Variants in RNF150 observed in about 807,000 individuals in gnomAD.
The protein encoded by RNF150 is ring finger protein 150.
RNF150 carries 24 observed loss-of-function variants against 39.3 expected under a neutral mutation model. The observed-to-expected ratio is 0.61, with a 90% CI of 0.44 to 0.86. The LOEUF is 0.86. RNF150 is among the 40% of genes least tolerant of loss of function. The probability of loss-of-function intolerance (pLI) is 0.00; values close to 1 mark genes in which losing one functional copy is unlikely to be tolerated. For synonymous variants in RNF150, 255 were observed against 227.3 expected (o/e 1.12, Z -1.10); for missense variants, 502 against 587.8 (o/e 0.85, Z 1.51).
chr4:141,011,196 T>C (rs1735063760), intron 1 of RNF150, among the ~76,000 whole-genome samples: 1 of 152,120 alleles, frequency 6.6e-6, no homozygotes, highest in Non-Finnish European at 1.5e-5. Context: ...TTACCCGCCA[T>C]AATTCTGAAA....
intron 1 of RNF150, among the ~76,000 whole-genome samples, chr4:141,158,852 T>A (rs1448503381): frequency 6.6e-6 from 1 of 151,106 alleles, no homozygotes; most frequent in Non-Finnish European, 1.5e-5. Context: ...ACCTGAACCA[T>A]CCTTCCAATT....
rs140351623 is a variant in RNF150, at chr4:140,902,663, G to A, written c.1198+8481C>T. ...ATAACATGCTATCATAGCTATTATTGTTAAAATTTACACTGAAGTCTGTAT... is the reference window on the plus strand; with the variant it reads ...ATAACATGCTATCATAGCTATTATTATTAAAATTTACACTGAAGTCTGTAT... On this transcript the variant is annotated intron_variant, in intron 6 of 6. Coordinates refer to ENST00000515673, the MANE Select transcript of RNF150 (RefSeq NM_020724.2). 7.2e-3 allele frequency among the ~76,000 whole-genome samples: 1,094 copies of A among 151,754 alleles called. 13 individuals carry two copies. Among genetic ancestry groups the A allele is most frequent in the Non-Finnish European group, 0.01 (703 of 67,936 alleles).
At chr4:141,096,190 CT>C (rs780868429) in intron 1 of RNF150, among the ~76,000 whole-genome samples, 1,020 of 67,926 alleles carry the variant, frequency 0.015, 9 homozygotes, top group African/African-American at 0.056. Flanking sequence ...TTTTAGCTTT[CT>C]TTTTTTTTTT....
intron 6 of RNF150, among the ~76,000 whole-genome samples, chr4:140,899,002 C>G (rs533419780): frequency 6.6e-6 from 1 of 152,238 alleles, no homozygotes; most frequent in South Asian, 2.1e-4. Flanking sequence ...CTCCCTGCTG[C>G]GAACATTAGA....
intron 1 of RNF150, among the ~76,000 whole-genome samples, chr4:141,160,800 A>C (rs567462667): frequency 1.3e-5 from 2 of 152,330 alleles, no homozygotes; most frequent in South Asian, 4.1e-4. Flanking sequence ...CGTGATTGAA[A>C]GTTTCTTGAA....
At chr4:140,899,974 C>CTCTCTCTGTGTGTGTGTGTGTGTGTGTG (rs1365683071) in intron 6 of RNF150, among the ~76,000 whole-genome samples, 7 of 69,214 alleles carry the variant, frequency 1.0e-4, no homozygotes, top group African/African-American at 3.0e-4. Flanking sequence ...CTCTCTCTCT[C>CTCTCTCTGTGTGTGTGTGTGTGTGTGTG]TGTGTGTGTG....
At chr4:141,093,712 T>G (rs1738679228) in intron 1 of RNF150, among the ~76,000 whole-genome samples, 1 of 152,124 alleles carries the variant, frequency 6.6e-6, no homozygotes, top group Non-Finnish European at 1.5e-5. Context: ...ACATCTGCCT[T>G]GAGAAATTCT....
chr4:140,999,768 C>G (rs1305442854), intron 1 of RNF150, among the ~76,000 whole-genome samples: 1 of 151,680 alleles, frequency 6.6e-6, no homozygotes, highest in East Asian at 1.9e-4. Context: ...AACCCCATCT[C>G]TACTAAAAAT....
intron 1 of RNF150, among the ~76,000 whole-genome samples, chr4:141,126,836 A>C (rs1726767086): frequency 6.6e-6 from 1 of 152,196 alleles, no homozygotes; most frequent in African/African-American, 2.4e-5. Flanking sequence ...ATAAATAAGA[A>C]AACTGAGGGT....
chr4:140,881,411 G>T (rs966119839), intron 6 of RNF150, among the ~76,000 whole-genome samples: 3 of 152,154 alleles, frequency 2.0e-5, no homozygotes, highest in African/African-American at 7.2e-5. Context: ...GGATCCATCT[G>T]CCTCAGCCTC....
intron 1 of RNF150, among the ~76,000 whole-genome samples, chr4:140,971,683 G>T (rs1341523027): frequency 3.9e-5 from 6 of 152,124 alleles, no homozygotes; most frequent in African/African-American, 1.4e-4. Flanking sequence ...CTTTTCCCTT[G>T]AGAGTGCTCC....
intron 1 of RNF150, among the ~76,000 whole-genome samples, chr4:141,170,719 G>GGAAATGACCACA (rs1160626276): frequency 6.6e-6 from 1 of 152,054 alleles, no homozygotes. Flanking sequence ...ATCTCATTTT[G>GGAAATGACCACA]GAAATGACCA....
chr4:141,055,210 G>GA (rs896554637), intron 1 of RNF150, among the ~76,000 whole-genome samples: 1 of 151,990 alleles, frequency 6.6e-6, no homozygotes, highest in South Asian at 2.1e-4. Flanking sequence ...GAAACCTTTA[G>GA]AAAAAAACAT....
intron 1 of RNF150, among the ~76,000 whole-genome samples, chr4:141,109,097 T>G (rs1211026733): frequency 6.6e-6 from 1 of 152,216 alleles, no homozygotes; most frequent in African/African-American, 2.4e-5. Context: ...TAGCGGTCAC[T>G]TCAATTTCAT....
intron 1 of RNF150, among the ~76,000 whole-genome samples, chr4:141,186,759 T>C (rs1728020241): frequency 6.6e-6 from 1 of 152,168 alleles, no homozygotes; most frequent in South Asian, 2.1e-4. Flanking sequence ...CTTTTTAGTC[T>C]GGCTAGTGGT....
At chr4:141,001,349 A>G (rs1734662116) in intron 1 of RNF150, among the ~76,000 whole-genome samples, 3 of 149,496 alleles carry the variant, frequency 2.0e-5, no homozygotes, top group South Asian at 2.1e-4. Flanking sequence ...CATTTTCCCT[A>G]CTCTTGTACT....
At chr4:141,026,783 T>C (rs1049472154) in intron 1 of RNF150, among the ~76,000 whole-genome samples, 5 of 152,146 alleles carry the variant, frequency 3.3e-5, no homozygotes, top group Non-Finnish European at 4.4e-5. Flanking sequence ...GTTTCAGTCA[T>C]AGGGAAAAAT....
chr4:140,953,225 A>G (rs1300187725), intron 2 of RNF150, among the ~76,000 whole-genome samples: 15 of 152,206 alleles, frequency 9.9e-5, no homozygotes, highest in Admixed American at 9.8e-4. Context: ...GAGAAATCAA[A>G]TGATTCACAA....
upstream of RNF150, among the ~76,000 whole-genome samples, chr4:141,135,964 G>C (rs942894084): frequency 6.6e-6 from 1 of 152,076 alleles, no homozygotes; most frequent in Non-Finnish European, 1.5e-5. Flanking sequence ...AACAATACAC[G>C]GCATGGTCTA....
Sources: allele counts gnomAD v4.1 joint callset (sites outside exome capture counted in the v4.1 genomes callset), GRCh38; gene constraint gnomAD v4.1.1; transcripts MANE v1.5; gene names NCBI Gene and HGNC (gene_info 2026-07-23, HGNC 2026-07-21).